POLH: variants seen among roughly 807,000 people sequenced by gnomAD.
POLH encodes DNA polymerase eta.
A neutral mutation model predicts 73.6 loss-of-function variants in POLH; 53 were observed. That is an observed-to-expected ratio of 0.72 (90% CI 0.58 to 0.91). The LOEUF (loss-of-function observed/expected upper bound fraction) is 0.91, where lower values mean the gene tolerates loss of function less well. Among genes scored for constraint, POLH ranks in the 40% least tolerant of loss-of-function variants. POLH has a pLI of 0.00. For missense variants in POLH, 768 were observed against 865.4 expected, an observed-to-expected ratio of 0.89 and a Z score of 1.41; for synonymous variants, 292 against 308.5, an observed-to-expected ratio of 0.95 and a Z score of 0.56.
intron 4 of POLH, chr6:43,590,841 T>C (rs1765379872): frequency 6.7e-6 from 1 of 149,618 alleles, no homozygotes; most frequent in Non-Finnish European, 1.5e-5. Flanking sequence ...GAGAATCACT[T>C]GAGTCCAGGA....
rs1004363625 is a variant in POLH at position 43,615,270 on chromosome 6, T to TA, written c.*719dup. 2 of 98,344 alleles carry TA rather than the reference T, an allele frequency of 2.0e-5. No individual in the cohort carries two copies. Among genetic ancestry groups the TA allele is most frequent in the African/African-American group, 8.1e-5 (2 of 24,792 alleles). The allele number at this position is 98,344 out of a possible 1,614,324, so 6.1% of individuals were successfully genotyped here. On this transcript the variant is annotated 3_prime_UTR_variant, in exon 11 of 11. Transcript: ENST00000372236. ...CAGAGCGAGACTTCATCTCAGAAAA[T>TA]AAAAAATAGGGGCCAGGCACAGTGG...
At chr6:43,597,595 A>G (rs923277934) in intron 4 of POLH, 101 bp from the exon 5 acceptor site, 5 of 1,139,678 alleles carry the variant, frequency 4.4e-6, no homozygotes, top group East Asian at 2.6e-5. Flanking sequence ...GTGAAAACTT[A>G]TATGTCTAAA....
chr6:43,600,970 T>C lies in POLH; in HGVS notation c.661-18T>C. Reference sequence around the variant, plus strand: ...TGGGTTGACAGTAATGAGGTTTTTATACTTTGCATGCTTCCAGGTCCTGGC... The same window carrying C: ...TGGGTTGACAGTAATGAGGTTTTTACACTTTGCATGCTTCCAGGTCCTGGC... On this transcript the variant is annotated intron_variant, in intron 5 of 10. Coordinates refer to ENST00000372236, the MANE Select transcript of POLH (RefSeq NM_006502.3). 6.4e-7 allele frequency: 1 copy of C among 1,564,976 alleles called. No individual in the cohort carries two copies. Among genetic ancestry groups the C allele is most frequent in the Non-Finnish European group, 8.8e-7 (1 of 1,135,444 alleles).
chr6:43,620,073 G>C lies in POLH; in HGVS notation c.*5516G>C. 2 of 310,700 alleles carry C rather than the reference G, an allele frequency of 6.4e-6. No homozygotes were observed. Among genetic ancestry groups the C allele is most frequent in the South Asian group, 5.1e-5 (2 of 39,002 alleles). 19.2% of individuals were successfully genotyped at this position (310,700 alleles called of 1,614,324 possible). The stretch of plus-strand genomic sequence containing the variant: ...GGTCAAGTGGCCCTCATTGTTCCAA[G>C]AGTAATTTAGGCTATGTAAACTTGA... On this transcript the variant is annotated 3_prime_UTR_variant, in exon 11 of 11. Transcript: ENST00000372236.
At chr6:43,600,905 G>C (rs577081983) in intron 5 of POLH, 83 bp from the exon 6 acceptor site, 2 of 842,780 alleles carry the variant, frequency 2.4e-6, no homozygotes, top group East Asian at 4.8e-5. Flanking sequence ...AGCTCTGTGT[G>C]TGTGTATGTT....
chr6:43,602,564 C>T (rs1323232093), intron 6 of POLH, among the ~76,000 whole-genome samples: 1 of 151,872 alleles, frequency 6.6e-6, no homozygotes, highest in Non-Finnish European at 1.5e-5. Flanking sequence ...TGAACTGGGA[C>T]CTAAAGTAGT....
chr6:43,618,963 G>C lies in POLH; in HGVS notation c.*4406G>C, dbSNP rs1412786992. 1.4e-5 allele frequency among the ~76,000 whole-genome samples: 2 copies of C among 146,434 alleles called. No individual in the cohort carries two copies. Among genetic ancestry groups the C allele is most frequent in the Non-Finnish European group, 1.5e-5 (1 of 66,658 alleles). ...TACTTTTTATTTTATTTATAAATTG[G>C]GGGGGGGGTTCTATATTTAGTTTGA... On this transcript the variant is annotated 3_prime_UTR_variant, in exon 11 of 11. Transcript: ENST00000372236.
chr6:43,578,838 G>A (rs966023336), intron 1 of POLH, among the ~76,000 whole-genome samples: 1 of 152,032 alleles, frequency 6.6e-6, no homozygotes, highest in Non-Finnish European at 1.5e-5. Context: ...AACTGATTCC[G>A]TATTGGTTCT....
In POLH at chr6:43,617,065, G is replaced by A. The variant is rs748447904; in HGVS notation, c.*2508G>A. ...ATTAGCCGGGCATGGTGGTGGGTGC[G>A]TGTAATCCCAGCTAGTTGGGAGGCT... On this transcript the variant is annotated 3_prime_UTR_variant, in exon 11 of 11. Transcript: ENST00000372236. 3.3e-5 allele frequency among the ~76,000 whole-genome samples: 5 copies of A among 152,138 alleles called. No individual in the cohort carries two copies. The South Asian group carries it at 6.2e-4, about 19-fold the overall frequency.
At chr6:43,580,577 CG>C (rs1763968892) in intron 1 of POLH, among the ~76,000 whole-genome samples, 1 of 136,796 alleles carries the variant, frequency 7.3e-6, no homozygotes, top group African/African-American at 2.7e-5. Flanking sequence ...GGCGGCTGGC[CG>C]GGCAGAGGGG....
intron 3 of POLH, among the ~76,000 whole-genome samples, chr6:43,584,214 C>G (rs577435849): frequency 6.6e-6 from 1 of 152,096 alleles, no homozygotes; most frequent in Non-Finnish European, 1.5e-5. Flanking sequence ...ATTCTAGTAT[C>G]TATGTTCTCA....
At chr6:43,603,330 C>A (rs1250880701) in intron 6 of POLH, among the ~76,000 whole-genome samples, 1 of 151,956 alleles carries the variant, frequency 6.6e-6, no homozygotes, top group Non-Finnish European at 1.5e-5. Context: ...AGGGTTTCGC[C>A]ATGTTGTTCA....
chr6:43,599,778 T>A (rs1052354221), intron 5 of POLH, among the ~76,000 whole-genome samples: 1 of 151,088 alleles, frequency 6.6e-6, no homozygotes. Flanking sequence ...AACATACAAA[T>A]ATAATTTTTA....
intron 2 of POLH, 90 bp from the exon 3 acceptor site, chr6:43,582,917 T>TA (rs1422189851): frequency 1.7e-6 from 2 of 1,143,002 alleles, no homozygotes; most frequent in Non-Finnish European, 2.6e-6. Flanking sequence ...AAGTTTCTAA[T>TA]ATGTTTATAG....
In POLH at chr6:43,606,148, C is replaced by CT. The variant is rs1460968123; in HGVS notation, c.1074+835dup. ...ATTAACGTATCTATCATTTCACATA[C>CT]TTTTTTGTAAAAAAAAAAAAAAGTA... is the stretch of plus-strand genomic sequence containing the variant. On this transcript the variant is annotated intron_variant, in intron 9 of 10. Transcript: ENST00000372236. Among the ~76,000 whole-genome samples the CT allele has an allele frequency of 2.7e-5, 4 of 149,768 alleles. No homozygotes were observed. The East Asian group carries it at 7.8e-4, about 29-fold the overall frequency.
chr6:43,619,265 G>A lies in POLH; in HGVS notation c.*4708G>A, dbSNP rs952401471. Among the ~76,000 whole-genome samples the A allele has an allele frequency of 2.0e-5, 3 of 148,970 alleles. No homozygotes were observed. Among genetic ancestry groups the A allele is most frequent in the African/African-American group, 7.4e-5 (3 of 40,514 alleles). ...TGTAGTCGTACCTACTCAGGAGGCTGAGGTTGGGAGGATCACCTGAATCTG... is the reference window on the plus strand; with the variant it reads ...TGTAGTCGTACCTACTCAGGAGGCTAAGGTTGGGAGGATCACCTGAATCTG... On this transcript the variant is annotated 3_prime_UTR_variant, in exon 11 of 11. Coordinates refer to ENST00000372236, the MANE Select transcript of POLH (RefSeq NM_006502.3).
chr6:43,606,623 T>C (rs1767332067), intron 9 of POLH, among the ~76,000 whole-genome samples: 2 of 152,012 alleles, frequency 1.3e-5, no homozygotes, highest in African/African-American at 4.8e-5. Flanking sequence ...GAGACGGGGT[T>C]TTACCTTGTT....
chr6:43,582,424 AGTT>A lies in POLH; in HGVS notation c.108_110del (p.Val37del), dbSNP rs1298773264. ...CTCATTTGAGGAATAAACCTTGTGC[AGTT>A]GTACAGTACAAATCATGGAAGGGTG... On this transcript the variant is annotated inframe_deletion, in exon 2 of 11. Coordinates refer to ENST00000372236, the MANE Select transcript of POLH (RefSeq NM_006502.3). 3.7e-6 allele frequency: 6 copies of A among 1,613,830 alleles called. No individual in the cohort carries two copies. Among genetic ancestry groups the A allele is most frequent in the Non-Finnish European group, 3.4e-6 (4 of 1,179,804 alleles).
Position 43,613,767 on chromosome 6 carries a change from T to C in POLH, c.1352T>C (p.Leu451Pro). 6.2e-7 allele frequency: 1 copy of C among 1,613,822 alleles called. No individual in the cohort carries two copies. The highest frequency in any genetic ancestry group is 1.1e-5 in the South Asian group (1 of 91,060). The change falls in exon 11 of 11, where the codon CTG becomes CCG. Residue 451 changes from leucine to proline, a missense_variant. Physicochemically the swap from Leu to Pro is moderately conservative, Grantham distance 98. Transcript: ENST00000372236. ...TTCTTGAGCAGTGACCCAAGTTCTC[T>C]GCCAAAGGTGCCAGTTACCAGCTCA... ...TSFLSSDPSS[L>P]PKVPVTSSEA...
Sources: allele counts gnomAD v4.1 joint callset (sites outside exome capture counted in the v4.1 genomes callset), GRCh38; gene constraint gnomAD v4.1.1; transcripts MANE v1.5; gene names NCBI Gene and HGNC (gene_info 2026-07-23, HGNC 2026-07-21).